Variants in LOXL2 observed in about 807,000 individuals in gnomAD.
LOXL2 encodes lysyl oxidase like 2.
LOXL2 carries 70 observed loss-of-function variants against 93.0 expected under a neutral mutation model. The ratio of observed to expected loss-of-function variants is 0.75; its 90% CI spans 0.62 to 0.92. The LOEUF (loss-of-function observed/expected upper bound fraction) is 0.92. Ranked by LOEUF, LOXL2 falls within the 40% of genes least tolerant of loss-of-function variation. LOXL2 has a pLI of 0.00. For synonymous variants in LOXL2, 438 were observed against 413.2 expected, an observed-to-expected ratio of 1.06 and a Z score of -0.73; for missense variants, 973 against 1,054.9, an observed-to-expected ratio of 0.92 and a Z score of 1.08.
intron 6 of LOXL2, 82 bp from the exon 7 acceptor site, chr8:23,322,363 A>G (rs896282312): frequency 1.6e-6 from 2 of 1,261,990 alleles, no homozygotes; most frequent in African/African-American, 1.5e-5. Flanking sequence ...GGACAATAAG[A>G]ACATGCCTCT....
intron 5 of LOXL2, among the ~76,000 whole-genome samples, chr8:23,330,258 C>T (rs1260536141): frequency 2.0e-5 from 3 of 152,158 alleles, no homozygotes; most frequent in Admixed American, 6.5e-5. Flanking sequence ...GGCGTGAACC[C>T]GGGAGGCGGA....
At chr8:23,303,606 T>G (rs1385453774) in intron 10 of LOXL2, among the ~76,000 whole-genome samples, 1 of 152,192 alleles carries the variant, frequency 6.6e-6, no homozygotes, top group Non-Finnish European at 1.5e-5. Flanking sequence ...ACTGCTCACC[T>G]TGCTAAGCCT....
intron 8 of LOXL2, among the ~76,000 whole-genome samples, chr8:23,318,882 A>G (rs994909615): frequency 6.6e-6 from 1 of 152,224 alleles, no homozygotes; most frequent in African/African-American, 2.4e-5. Context: ...GATCCCAGGC[A>G]GCTTCTGCTC....
Position 23,368,070 on chromosome 8 carries a change from G to A in LOXL2, c.282C>T (p.His94=), listed in dbSNP as rs745627354. 12 of 1,613,900 alleles carry A rather than the reference G, an allele frequency of 7.4e-6. No individual in the cohort carries two copies. Among genetic ancestry groups the A allele is most frequent in the Non-Finnish European group, 1.0e-5 (12 of 1,180,052 alleles). Residue 94 remains histidine, a synonymous_variant, in exon 2 of 14, where the codon CAC becomes CAT. Transcript: ENST00000389131. ...CDDDFSIHAA[H]VVCRELGYVE... is the part of the protein sequence containing the mutation. Reference sequence around the variant, plus strand: ...CGTAGCCCAGCTCCCGGCAGACGACGTGGGCAGCGTGGATGGAGAAGTCGT... The same window carrying A: ...CGTAGCCCAGCTCCCGGCAGACGACATGGGCAGCGTGGATGGAGAAGTCGT...
At chr8:23,348,884 AC>A (rs1284429182) in intron 3 of LOXL2, among the ~76,000 whole-genome samples, 57 of 151,860 alleles carry the variant, frequency 3.8e-4, no homozygotes, top group Non-Finnish European at 7.5e-4. Context: ...CTCAAAAAAA[AC>A]AAAACAAACA....
chr8:23,402,948 T>A (rs930157486), intron 1 of LOXL2, among the ~76,000 whole-genome samples: 2 of 152,068 alleles, frequency 1.3e-5, no homozygotes, highest in Non-Finnish European at 2.9e-5. Context: ...TCTGCGGTGT[T>A]CTCTTCCTCA....
intron 1 of LOXL2, among the ~76,000 whole-genome samples, chr8:23,371,821 T>A (rs60583128): frequency 6.9e-6 from 1 of 144,796 alleles, no homozygotes; most frequent in South Asian, 2.2e-4. Flanking sequence ...CAGGAAGGCA[T>A]TAAATGGAGC....
intron 10 of LOXL2, among the ~76,000 whole-genome samples, chr8:23,306,284 C>T (rs1217618143): frequency 1.3e-5 from 2 of 152,206 alleles, no homozygotes; most frequent in African/African-American, 4.8e-5. Flanking sequence ...GTGCCCTTTG[C>T]AGAGGAGATG....
intron 1 of LOXL2, among the ~76,000 whole-genome samples, chr8:23,398,065 G>A (rs1312248748): frequency 6.6e-6 from 1 of 151,556 alleles, no homozygotes; most frequent in Admixed American, 6.6e-5. Flanking sequence ...CTACATCTTC[G>A]AGTCATGCAG....
intron 8 of LOXL2, among the ~76,000 whole-genome samples, chr8:23,319,599 G>A (rs528477833): frequency 1.3e-5 from 2 of 152,258 alleles, no homozygotes; most frequent in East Asian, 3.9e-4. Flanking sequence ...AGCCCAGGGT[G>A]AACCCCAGTG....
intron 10 of LOXL2, among the ~76,000 whole-genome samples, chr8:23,306,078 T>C (rs913356251): frequency 6.6e-6 from 1 of 152,186 alleles, no homozygotes; most frequent in Non-Finnish European, 1.5e-5. Context: ...CCCAAAGTGC[T>C]GTGATTACAG....
At chr8:23,303,745 G>A (rs112791730) in intron 10 of LOXL2, among the ~76,000 whole-genome samples, 2,178 of 152,300 alleles carry the variant, frequency 0.014, 25 homozygotes, top group Non-Finnish European at 0.019. Context: ...TTTTTAATAA[G>A]CGTGCAACTG....
At chr8:23,380,881 C>T (rs1348622268) in intron 1 of LOXL2, among the ~76,000 whole-genome samples, 2 of 152,058 alleles carry the variant, frequency 1.3e-5, no homozygotes, top group Admixed American at 6.5e-5. Flanking sequence ...GGCATGGTGG[C>T]AAGCGCCTGT....
At chr8:23,299,906 T>G (rs932883661) in intron 12 of LOXL2, among the ~76,000 whole-genome samples, 1 of 152,240 alleles carries the variant, frequency 6.6e-6, no homozygotes, top group African/African-American at 2.4e-5. Context: ...CCCTCTGCTC[T>G]GGCCCAGCGG....
At chr8:23,318,983 TCTCTCC>T (rs1299995244) in intron 8 of LOXL2, among the ~76,000 whole-genome samples, 3 of 152,156 alleles carry the variant, frequency 2.0e-5, no homozygotes, top group Non-Finnish European at 4.4e-5. Flanking sequence ...ATTCTCCTCT[TCTCTCC>T]CTAAACCCCT....
In LOXL2 at chr8:23,394,264, G is replaced by A. The variant is rs370737327; in HGVS notation, c.-84+9690C>T. 1.3e-4 allele frequency among the ~76,000 whole-genome samples: 20 copies of A among 151,972 alleles called. No homozygotes were observed. The East Asian group carries it at 2.5e-3, about 19-fold the overall frequency. On this transcript the variant is annotated intron_variant, in intron 1 of 13. Transcript: ENST00000389131. ...AAAAATTAGTCAGATACGGTAGCGC[G>A]TGCCTGTAGTCCCAGCTACTCGGGA...
intron 10 of LOXL2, among the ~76,000 whole-genome samples, chr8:23,304,226 C>T (rs1168328500): frequency 6.6e-6 from 1 of 152,266 alleles, no homozygotes; most frequent in Non-Finnish European, 1.5e-5. Context: ...CGCTGGTTTA[C>T]ATAACGAGGC....
At chr8:23,332,913 C>CCACA (rs1554478402) in intron 5 of LOXL2, among the ~76,000 whole-genome samples, 1 of 149,090 alleles carries the variant, frequency 6.7e-6, no homozygotes, top group East Asian at 2.1e-4. Flanking sequence ...TACACCCCCC[C>CCACA]CACAGAGGGG....
chr8:23,389,988 G>T (rs528363321), intron 1 of LOXL2, among the ~76,000 whole-genome samples: 1 of 152,222 alleles, frequency 6.6e-6, no homozygotes, highest in Non-Finnish European at 1.5e-5. Flanking sequence ...GCTTGCAACA[G>T]TGTGGCCCAG....
Sources: gnomAD v4.1 joint callset for allele counts (sites outside exome capture counted in the v4.1 genomes callset) on GRCh38, gnomAD v4.1.1 for gene constraint, MANE v1.5 for transcripts, NCBI Gene and HGNC (gene_info 2026-07-23, HGNC 2026-07-21) for gene names.